The following CKAP2L variants were observed in gnomAD, a reference collection of about 807,000 sequenced individuals.
CKAP2L encodes cytoskeleton-associated protein 2-like.
In CKAP2L, 42 loss-of-function variants were observed where a neutral mutation model predicts 65.7. That is an observed-to-expected ratio of 0.64 (90% CI 0.50 to 0.83). The LOEUF (loss-of-function observed/expected upper bound fraction) is 0.83. Among genes scored for constraint, CKAP2L ranks in the 40% least tolerant of loss-of-function variants. The pLI is 0.00. For synonymous variants in CKAP2L, 325 were observed against 313.5 expected (o/e 1.04, Z -0.39); for missense variants, 908 against 871.0 (o/e 1.04, Z -0.53).
rs768560179 is a variant in CKAP2L at position 112,746,780 on chromosome 2, T to TTAA, written c.1603-208_1603-206dup. 1.1e-4 allele frequency among the ~76,000 whole-genome samples: 17 copies of TTAA among 152,266 alleles called. No homozygotes were observed. The Middle Eastern group carries it at 0.01, about 91-fold the overall frequency. On this transcript the variant is annotated intron_variant, in intron 5 of 8. Coordinates refer to ENST00000302450, the MANE Select transcript of CKAP2L (RefSeq NM_152515.5). ...AATTATCCATTTTAATGATTTGAGA[T>TTAA]TAATAATAATTATTATTTTTTTTTT...
rs1199144672 is a variant in CKAP2L, at chr2:112,737,810, C to G, written c.*1013G>C. 1.3e-5 allele frequency: 2 copies of G among 152,114 alleles called. No homozygotes were observed. The allele number at this position is 152,114 out of a possible 1,614,324, so 9.4% of individuals were successfully genotyped here. ...AACTGGTATATCCTTAGACAAACTC[C>G]TAATTCTCTATGCAAAGCCATTATC... On this transcript the variant is annotated 3_prime_UTR_variant, in exon 9 of 9. Coordinates refer to ENST00000302450, the MANE Select transcript of CKAP2L (RefSeq NM_152515.5).
chr2:112,746,713 T>G, intron 5 of CKAP2L, 138 bp from the exon 6 acceptor site: 1 of 548,604 alleles, frequency 1.8e-6, no homozygotes, highest in Non-Finnish European at 3.2e-6. Flanking sequence ...AATTTCAATT[T>G]TACTGAGGTA....
At position 112,757,165 on chromosome 2, in the gene CKAP2L, T is replaced by C; in HGVS notation, c.206A>G (p.Lys69Arg). 2 of 1,613,498 alleles carry C rather than the reference T, an allele frequency of 1.2e-6. No individual in the cohort carries two copies. Among genetic ancestry groups the C allele is most frequent in the Non-Finnish European group, 1.7e-6 (2 of 1,179,662 alleles). ...TTTAATGCTGATGGACCTTTTAGGTTTGACAGGCAAAACAACATGGTTGGT... is the reference window on the plus strand; with the variant it reads ...TTTAATGCTGATGGACCTTTTAGGTCTGACAGGCAAAACAACATGGTTGGT... The part of the protein sequence containing the change: ...DVTNHVVLPV[K>R]PKRSISIKLQ... Residue 69 changes from lysine to arginine, a missense_variant, in exon 4 of 9, where the codon AAA (lysine) becomes AGA (arginine). Physicochemically the swap from Lys to Arg is conservative, Grantham distance 26 (BLOSUM62 2). Coordinates refer to ENST00000302450, the MANE Select transcript of CKAP2L (RefSeq NM_152515.5).
At chr2:112,746,889 G>A (rs1574327198) in intron 5 of CKAP2L, among the ~76,000 whole-genome samples, 1 of 152,072 alleles carries the variant, frequency 6.6e-6, no homozygotes, top group East Asian at 1.9e-4. Flanking sequence ...CCAGGTTCAA[G>A]CAAGTCTCCT....
intron 2 of CKAP2L, among the ~76,000 whole-genome samples, chr2:112,761,146 T>C (rs183052356): frequency 3.3e-5 from 5 of 152,244 alleles, no homozygotes; most frequent in African/African-American, 1.2e-4. Flanking sequence ...CAATGCCAAA[T>C]AAAACCATTA....
At chr2:112,750,972 A>G (rs60152550) in intron 5 of CKAP2L, among the ~76,000 whole-genome samples, 5,781 of 152,168 alleles carry the variant, frequency 0.038, 372 homozygotes, top group African/African-American at 0.13. Flanking sequence ...AAAACCTGAG[A>G]TCTTTTAAAA....
chr2:112,751,175 T>A (rs1186228778), intron 5 of CKAP2L, among the ~76,000 whole-genome samples: 3 of 152,220 alleles, frequency 2.0e-5, no homozygotes, highest in Non-Finnish European at 4.4e-5. Context: ...AATTCTCATG[T>A]CATACAAACT....
intron 8 of CKAP2L, 89 bp from the exon 9 acceptor site, chr2:112,739,137 G>C: frequency 9.8e-7 from 1 of 1,018,574 alleles, no homozygotes; most frequent in South Asian, 1.5e-5. Flanking sequence ...TAATAAAACA[G>C]GGAAGACATT....
intron 3 of CKAP2L, among the ~76,000 whole-genome samples, chr2:112,757,513 G>C (rs540295866): frequency 3.4e-5 from 5 of 148,620 alleles, no homozygotes; most frequent in Admixed American, 6.8e-5. Flanking sequence ...CCCCAACCTC[G>C]CAAGTGGCTG....
intron 2 of CKAP2L, among the ~76,000 whole-genome samples, chr2:112,761,897 T>A (rs1355853388): frequency 5.3e-5 from 8 of 152,140 alleles, no homozygotes. Flanking sequence ...AAATAAAGGG[T>A]GAAAGCTAAC....
rs746117908 is a variant in CKAP2L at position 112,742,751 on chromosome 2, T to A, written c.1777A>T (p.Lys593Ter). The A allele has an allele frequency of 6.2e-7, 1 of 1,609,646 alleles. No individual in the cohort carries two copies. The highest frequency in any genetic ancestry group is 8.5e-7 in the Non-Finnish European group (1 of 1,177,986). The part of the protein sequence containing the change: ...NGATPIQELR[K>*]VVLNILQDSN... ...TCTTGCAAGATATTAAGAACAACTTTCCGCAACTCTTGTATTGGCTGGAAG... is the reference window on the plus strand; with the variant it reads ...TCTTGCAAGATATTAAGAACAACTTACCGCAACTCTTGTATTGGCTGGAAG... Residue 593 changes from lysine to a stop codon, truncating the protein, a stop_gained, in exon 7 of 9, where the codon AAA becomes TAA. Coordinates refer to ENST00000302450, the MANE Select transcript of CKAP2L (RefSeq NM_152515.5). LOFTEE classifies it high-confidence loss of function.
intron 8 of CKAP2L, 49 bp downstream of exon 8, chr2:112,740,769 G>A (rs1574317147): frequency 6.9e-7 from 1 of 1,454,508 alleles, no homozygotes; most frequent in Non-Finnish European, 9.5e-7. Flanking sequence ...TCGAGACTTG[G>A]ACTAGAATTA....
rs529052035 is a variant in CKAP2L, at chr2:112,759,681, T to C, written c.156+1032A>G. Reference sequence around the variant, plus strand: ...CAGTGCTTCCCAAACGTTAAACCATTGTTCATAAATTTTGCCTTATATACA... The same window carrying C: ...CAGTGCTTCCCAAACGTTAAACCATCGTTCATAAATTTTGCCTTATATACA... On this transcript the variant is annotated intron_variant, in intron 3 of 8. Transcript: ENST00000302450. Among the ~76,000 whole-genome samples the C allele has an allele frequency of 3.9e-5, 6 of 152,308 alleles. No individual in the cohort carries two copies. In the South Asian group the frequency reaches 1.0e-3, roughly 26 times the overall value.
chr2:112,761,590 G>T (rs1680725969), intron 2 of CKAP2L, among the ~76,000 whole-genome samples: 1 of 149,420 alleles, frequency 6.7e-6, no homozygotes, highest in South Asian at 2.1e-4. Context: ...TATAGCTAGT[G>T]AGACAGGAAA....
At chr2:112,744,723 C>T (rs1680147083) in intron 6 of CKAP2L, among the ~76,000 whole-genome samples, 1 of 152,094 alleles carries the variant, frequency 6.6e-6, no homozygotes, top group African/African-American at 2.4e-5. Flanking sequence ...GATAACTTGA[C>T]CAGCTTAAGA....
At chr2:112,763,969 T>C (rs1450756384) in intron 1 of CKAP2L, 2 of 153,126 alleles carry the variant, frequency 1.3e-5, no homozygotes, top group African/African-American at 4.8e-5. Flanking sequence ...CAACGGTGCG[T>C]ATCTTGGAGA....
In CKAP2L at chr2:112,738,862, C is replaced by T. The variant is rs370545195; in HGVS notation, c.2199G>A (p.Ala733=). Residue 733 remains alanine (A), a synonymous_variant, in exon 9 of 9, where the codon GCG becomes GCA. Transcript: ENST00000302450. ...TTTGAAACCCCAATGTTACAGGCAGCGCCTCATTTCTACGGAATATAAAAC... is the reference window on the plus strand; with the variant it reads ...TTTGAAACCCCAATGTTACAGGCAGTGCCTCATTTCTACGGAATATAAAAC... The part of the protein sequence containing the change: ...TKCFIFRRNE[A]LPVTLGFQTP... 2.3e-5 allele frequency: 37 copies of T among 1,613,024 alleles called. No homozygotes were observed. The highest frequency in any genetic ancestry group is 1.6e-4 in the African/African-American group (12 of 74,870).
chr2:112,742,270 G>T, intron 7 of CKAP2L: 2 of 668,078 alleles, frequency 3.0e-6, no homozygotes, highest in South Asian at 3.4e-5. Flanking sequence ...TAAAGGTTAT[G>T]ACCACTGACA....
intron 5 of CKAP2L, 38 bp downstream of exon 5, chr2:112,752,229 T>C (rs1680391571): frequency 6.8e-7 from 1 of 1,475,294 alleles, no homozygotes. Context: ...TTATAAGACT[T>C]TGGGCCAAAG....
Sources: allele counts gnomAD v4.1 joint callset (sites outside exome capture counted in the v4.1 genomes callset), GRCh38; gene constraint gnomAD v4.1.1; transcripts MANE v1.5; gene names NCBI Gene and HGNC (gene_info 2026-07-23, HGNC 2026-07-21).